The following HAPSTR2 variants were observed in gnomAD, a reference collection of about 807,000 sequenced individuals.
HAPSTR2 encodes the protein HUWE1 associated protein modifying stress responses 2, also known as HUWE1-associated protein modifying stress responses 2.
At chrX:140,092,126 GA>G in the HAPSTR2 span, 1 of 779,672 alleles carries the variant, frequency 1.3e-6, no homozygotes. Context: ...TGGAGTGGGT[GA>G]AAAAGGGCCG....
chrX:140,091,753 A>G, the HAPSTR2 span: 1 of 913,669 alleles, frequency 1.1e-6, no homozygotes, highest in Non-Finnish European at 1.4e-6. Context: ...ATGGAGGAGC[A>G]GCAGAAGGAG....
chrX:140,091,785 C>G, the HAPSTR2 span: 3 of 956,771 alleles, frequency 3.1e-6, no homozygotes, highest in Admixed American at 7.1e-5. Flanking sequence ...GGTCGCGGAG[C>G]ACTGGTTTTC....
chrX:140,091,778 C>A, the HAPSTR2 span: 1 of 949,214 alleles, frequency 1.1e-6, no homozygotes, highest in South Asian at 2.8e-5. Context: ...AGGCCGAGGT[C>A]GCGGAGCACT....
the HAPSTR2 span, chrX:140,092,531 C>T: frequency 9.3e-6 from 7 of 753,972 alleles, no homozygotes; most frequent in Non-Finnish European, 1.1e-5. Flanking sequence ...GCATCACAGA[C>T]TCCCCAATCC....
the HAPSTR2 span, chrX:140,092,619 A>G: frequency 2.8e-6 from 2 of 722,923 alleles, no homozygotes; most frequent in Non-Finnish European, 3.3e-6. Context: ...TCAACCGTCG[A>G]CATGCTTGTC....
At chrX:140,092,703 A>T in the HAPSTR2 span, 1 of 412,579 alleles carries the variant, frequency 2.4e-6, no homozygotes, top group Non-Finnish European at 3.1e-6. Flanking sequence ...TGCCATAAAG[A>T]AACTTTAAAA....
At chrX:140,092,099 T>C in the HAPSTR2 span, 2 of 791,829 alleles carry the variant, frequency 2.5e-6, no homozygotes, top group Non-Finnish European at 3.0e-6. Flanking sequence ...GCCACCAGCG[T>C]CGCATCAAAG....
the HAPSTR2 span, chrX:140,092,343 A>G: frequency 2.1e-5 from 16 of 752,248 alleles, no homozygotes; most frequent in Non-Finnish European, 2.5e-5. Context: ...CAGTGGTGCT[A>G]TGGCCGGCAT....
At chrX:140,091,874 AG>A in the HAPSTR2 span, 1 of 964,265 alleles carries the variant, frequency 1.0e-6, no homozygotes, top group Non-Finnish European at 1.3e-6. Flanking sequence ...AGGCGGCTGC[AG>A]AGTTGGCAGG....
the HAPSTR2 span, chrX:140,092,634 G>A: frequency 1.5e-6 from 1 of 682,305 alleles, no homozygotes; most frequent in Non-Finnish European, 1.7e-6. Flanking sequence ...CTTGTCTAAA[G>A]GTTACTGGAG....
chrX:140,092,192 C>T, the HAPSTR2 span: 13 of 755,532 alleles, frequency 1.7e-5, no homozygotes, highest in South Asian at 6.8e-5. Context: ...AAGTGCCCCC[C>T]GCTCCTCCTC....
At chrX:140,091,687 C>A in the HAPSTR2 span, 3 of 635,753 alleles carry the variant, frequency 4.7e-6, no homozygotes, top group Non-Finnish European at 5.9e-6. Flanking sequence ...GAGTAGGCAG[C>A]AGCGGCGGCG....
the HAPSTR2 span, chrX:140,091,839 C>T: frequency 1.0e-6 from 1 of 980,510 alleles, no homozygotes; most frequent in Non-Finnish European, 1.3e-6. Context: ...GCAGGAGGAG[C>T]AGCTGCCCCC....
chrX:140,091,786 A>C, the HAPSTR2 span: 1 of 960,382 alleles, frequency 1.0e-6, no homozygotes, highest in Non-Finnish European at 1.3e-6. Flanking sequence ...GTCGCGGAGC[A>C]CTGGTTTTCC....
chrX:140,092,208 C>T, the HAPSTR2 span: 2 of 756,049 alleles, frequency 2.6e-6, no homozygotes, highest in Non-Finnish European at 3.1e-6. Flanking sequence ...TCCTCCACCT[C>T]GCACTCCTAG....
chrX:140,091,988 C>G, the HAPSTR2 span: 1 of 825,630 alleles, frequency 1.2e-6, no homozygotes, highest in Admixed American at 6.6e-5. Flanking sequence ...AAGGACTTTC[C>G]ATGTGGGACC....
chrX:140,092,635 G>A, the HAPSTR2 span: 6 of 682,087 alleles, frequency 8.8e-6, no homozygotes, highest in Non-Finnish European at 1.0e-5. Context: ...TTGTCTAAAG[G>A]TTACTGGAGA....
the HAPSTR2 span, chrX:140,091,828 AGCAGGAGGAGCAGCTGCCCCCCGAGCT>A: frequency 1.0e-6 from 1 of 972,291 alleles, no homozygotes; most frequent in Non-Finnish European, 1.3e-6. Flanking sequence ...GCTGAGGCCG[AGCAGGAGGAGCAGCTGCCCCCCGAGCT>A]GCAGGAGGAG....
chrX:140,092,288 C>T, the HAPSTR2 span: 17 of 753,014 alleles, frequency 2.3e-5, no homozygotes, highest in African/African-American at 9.2e-5. Flanking sequence ...CATCGGTGGA[C>T]GTCGACCTGC....
Sources: gnomAD v4.1 joint callset for allele counts on GRCh38, gnomAD v4.1.1 for gene constraint, MANE v1.5 for transcripts, NCBI Gene and HGNC (gene_info 2026-07-23, HGNC 2026-07-21) for gene names.